PRKN: variants seen among roughly 807,000 people sequenced by gnomAD.
PRKN encodes E3 ubiquitin-protein ligase parkin.
PRKN carries 56 observed loss-of-function variants against 59.5 expected under a neutral mutation model. The ratio of observed to expected loss-of-function variants is 0.94; its 90% CI spans 0.76 to 1.18. The LOEUF is 1.18. Ranked by LOEUF, PRKN falls within the 50% of genes most tolerant of loss-of-function variation. PRKN has a pLI of 0.00. For missense variants in PRKN, 657 were observed against 596.4 expected, an observed-to-expected ratio of 1.10 and a Z score of -1.06; for synonymous variants, 250 against 222.1, an observed-to-expected ratio of 1.13 and a Z score of -1.12.
At chr6:161,431,181 TC>T (rs1293036313) in intron 9 of PRKN, among the ~76,000 whole-genome samples, 4 of 152,010 alleles carry the variant, frequency 2.6e-5, no homozygotes, top group Non-Finnish European at 5.9e-5. Flanking sequence ...ATCTACGTTT[TC>T]CCATGTATTT....
chr6:161,868,003 C>A (rs1006237634), intron 6 of PRKN, among the ~76,000 whole-genome samples: 1 of 151,708 alleles, frequency 6.6e-6, no homozygotes, highest in Admixed American at 6.6e-5. Context: ...TCAGGTGATC[C>A]ACCACCCTCG....
At chr6:161,415,678 C>G (rs1198488925) in intron 9 of PRKN, among the ~76,000 whole-genome samples, 1 of 142,478 alleles carries the variant, frequency 7.0e-6, no homozygotes, top group African/African-American at 2.6e-5. Context: ...CTGCAATAGT[C>G]TAATCTCTCC....
chr6:161,534,589 TG>T (rs1391808774), intron 9 of PRKN, among the ~76,000 whole-genome samples: 2 of 152,224 alleles, frequency 1.3e-5, no homozygotes, highest in African/African-American at 4.8e-5. Context: ...TGGATTTCTG[TG>T]GGACATTCCC....
At chr6:162,329,693 G>T (rs1422373378) in intron 2 of PRKN, among the ~76,000 whole-genome samples, 1 of 151,650 alleles carries the variant, frequency 6.6e-6, no homozygotes, top group Non-Finnish European at 1.5e-5. Context: ...AGAGTAACAG[G>T]ATCTCTAAAT....
chr6:162,422,743 G>A lies in PRKN; in HGVS notation c.171+20567C>T, dbSNP rs570306915. Among the ~76,000 whole-genome samples the A allele has an allele frequency of 5.9e-5, 9 of 152,098 alleles. 1 individual carries two copies. In the South Asian group the frequency reaches 1.2e-3, roughly 21 times the overall value. ...GCGGATTGCCTGAGCTCAGGAGTTCGAGACCAGCCCAGGCAACATGGTGAA... is the reference window on the plus strand; with the variant it reads ...GCGGATTGCCTGAGCTCAGGAGTTCAAGACCAGCCCAGGCAACATGGTGAA... On this transcript the variant is annotated intron_variant, in intron 2 of 11. Coordinates refer to ENST00000366898, the MANE Select transcript of PRKN (RefSeq NM_004562.3).
rs1232387718 is a variant in PRKN, at chr6:161,347,574, T to G, written c.*2525A>C. 1 of 151,866 alleles carries G rather than the reference T, an allele frequency of 6.6e-6. No homozygotes were observed. The highest frequency in any genetic ancestry group is 1.5e-5 in the Non-Finnish European group (1 of 68,008). The allele number at this position is 151,866 out of a possible 1,614,324, so 9.4% of individuals were successfully genotyped here. ...CACCCTTCCTGTGCAAATAATACTG[T>G]GATTCATGTTCATGTGTAGTGGATG... On this transcript the variant is annotated 3_prime_UTR_variant, in exon 12 of 12. Transcript: ENST00000366898.
chr6:162,232,389 G>A (rs193287366), intron 3 of PRKN, among the ~76,000 whole-genome samples: 38 of 152,086 alleles, frequency 2.5e-4, no homozygotes, highest in Non-Finnish European at 4.3e-4. Context: ...GGAGAAAGGC[G>A]ACCTTTCCTC....
At position 161,873,957 on chromosome 6, in the gene PRKN, A is replaced by C. The variant is rs1249904281; in HGVS notation, c.735-88049T>G. 3.1e-5 allele frequency among the ~76,000 whole-genome samples: 3 copies of C among 97,492 alleles called. No homozygotes were observed. The Admixed American group carries it at 4.0e-4, about 13-fold the overall frequency. The allele number at this position is 97,492 out of a possible 152,430, so 64.0% of individuals were successfully genotyped here. On this transcript the variant is annotated intron_variant, in intron 6 of 11. Transcript: ENST00000366898. ...AATATATATAAAAGAAATATATATTATATGTAAAATATAATATATAAAATA... is the reference window on the plus strand; with the variant it reads ...AATATATATAAAAGAAATATATATTCTATGTAAAATATAATATATAAAATA...
chr6:162,053,243 G>T (rs1019409436), intron 5 of PRKN, among the ~76,000 whole-genome samples: 2 of 152,222 alleles, frequency 1.3e-5, no homozygotes, highest in Non-Finnish European at 2.9e-5. Context: ...CATGATTCTC[G>T]CTCAAACGCT....
chr6:161,883,035 A>C lies in PRKN; in HGVS notation c.734+90267T>G, dbSNP rs9364620. ...AAACAAAAAACAACAACAACAACAA[A>C]AAAAAACCAAAAAAACTCCAGGTAG... On this transcript the variant is annotated intron_variant, in intron 6 of 11. Transcript: ENST00000366898. 3.5e-4 allele frequency among the ~76,000 whole-genome samples: 49 copies of C among 139,554 alleles called. No individual in the cohort carries two copies. The South Asian group carries it at 5.0e-3, about 14-fold the overall frequency. 91.6% of individuals were successfully genotyped at this position (139,554 alleles called of 152,430 possible).
intron 5 of PRKN, among the ~76,000 whole-genome samples, chr6:162,000,645 T>C (rs952139006): frequency 2.6e-5 from 4 of 152,120 alleles, no homozygotes; most frequent in Non-Finnish European, 5.9e-5. Flanking sequence ...GCTGAGGTTT[T>C]GTATTGTAAT....
chr6:161,894,434 T>C (rs1320633627), intron 6 of PRKN, among the ~76,000 whole-genome samples: 1 of 152,214 alleles, frequency 6.6e-6, no homozygotes, highest in African/African-American at 2.4e-5. Context: ...TCAGCAGTTT[T>C]CCATTCCCTT....
At chr6:161,703,482 G>C (rs1321588799) in intron 7 of PRKN, among the ~76,000 whole-genome samples, 4 of 152,222 alleles carry the variant, frequency 2.6e-5, no homozygotes, top group African/African-American at 7.2e-5. Context: ...ATAACACCAG[G>C]GCTGGCAAAG....
In PRKN at chr6:162,697,746, C is replaced by G. The variant is rs1778019901; in HGVS notation, c.7+29916G>C. Among the ~76,000 whole-genome samples, 5 of 152,272 alleles carry G rather than the reference C, an allele frequency of 3.3e-5. No homozygotes were observed. In the South Asian group the frequency reaches 1.0e-3, roughly 32 times the overall value. On this transcript the variant is annotated intron_variant, in intron 1 of 11. Transcript: ENST00000366898. ...ATTTATGGAAACAATTTTTGCATAT[C>G]TAACCATTTTTACATTATCAATAAT... is the stretch of plus-strand genomic sequence containing the variant.
intron 1 of PRKN, among the ~76,000 whole-genome samples, chr6:162,701,378 T>C (rs1411714621): frequency 6.6e-6 from 1 of 152,034 alleles, no homozygotes; most frequent in African/African-American, 2.4e-5. Context: ...AATTCCACTA[T>C]TAAAATGGAA....
chr6:162,479,929 G>T (rs2128181750), intron 1 of PRKN, among the ~76,000 whole-genome samples: 1 of 152,100 alleles, frequency 6.6e-6, no homozygotes, highest in South Asian at 2.1e-4. Context: ...GCTGGGCGTG[G>T]TGGCGCATGC....
chr6:161,897,794 C>T (rs9347556), intron 6 of PRKN, among the ~76,000 whole-genome samples: 5,891 of 141,558 alleles, frequency 0.042, 184 homozygotes, highest in East Asian at 0.16. Context: ...AAGGTGAAAC[C>T]CCGTCTCTAC....
rs1362043377 is a variant in PRKN, at chr6:161,407,646, C to A, written c.1084-20769G>T. Among the ~76,000 whole-genome samples, 3 of 152,112 alleles carry A rather than the reference C, an allele frequency of 2.0e-5. No individual in the cohort carries two copies. Among genetic ancestry groups the A allele is most frequent in the African/African-American group, 7.2e-5 (3 of 41,416 alleles). On this transcript the variant is annotated intron_variant, in intron 9 of 11. Coordinates refer to ENST00000366898, the MANE Select transcript of PRKN (RefSeq NM_004562.3). This position sits in a 1 kb window ranked among gnomAD's most constrained non-coding sequence, Gnocchi z 4.9. The stretch of plus-strand genomic sequence containing the variant: ...TGAGTCGAAGCTCAGCCATTATAAC[C>A]CCTGTGACCTGCACATATACGTCCA...
intron 2 of PRKN, among the ~76,000 whole-genome samples, chr6:162,298,409 T>G (rs1781781722): frequency 1.3e-5 from 2 of 152,138 alleles, no homozygotes; most frequent in Non-Finnish European, 2.9e-5. Context: ...TCAGGTGTCT[T>G]GACATCCTTC....
Sources: allele counts gnomAD v4.1 joint callset (sites outside exome capture counted in the v4.1 genomes callset), GRCh38; gene constraint gnomAD v4.1.1; non-coding constraint Gnocchi (gnomAD v3.1); transcripts MANE v1.5; gene names NCBI Gene and HGNC (gene_info 2026-07-23, HGNC 2026-07-21).